The following B3GAT2 variants were observed in gnomAD, a reference collection of about 807,000 sequenced individuals.
The protein encoded by B3GAT2 is galactosylgalactosylxylosylprotein 3-beta-glucuronosyltransferase 2.
In B3GAT2, 26 loss-of-function variants were observed where a neutral mutation model predicts 27.8. The observed-to-expected ratio is 0.93, with a 90% CI of 0.68 to 1.30. The LOEUF is 1.30. Ranked by LOEUF, B3GAT2 falls within the 50% of genes most tolerant of loss-of-function variation. The pLI, the probability that B3GAT2 is intolerant of heterozygous loss-of-function variation, is 0.00. For missense variants in B3GAT2, 458 were observed against 459.0 expected (o/e 1.00, Z 0.02); for synonymous variants, 218 against 195.1 (o/e 1.12, Z -0.98).
chr6:70,944,615 C>A (rs148788703), intron 1 of B3GAT2, among the ~76,000 whole-genome samples: 4 of 113,976 alleles, frequency 3.5e-5, no homozygotes, highest in Non-Finnish European at 7.5e-5. Context: ...GGCCTGCCTG[C>A]CTCTGTAGGC....
Position 70,860,606 on chromosome 6 carries a change from T to G in B3GAT2, c.*1057A>C. The G allele has an allele frequency of 2.3e-6, 1 of 432,310 alleles. No individual in the cohort carries two copies. Among genetic ancestry groups the G allele is most frequent in the Admixed American group, 4.0e-5 (1 of 25,016 alleles). 26.8% of individuals were successfully genotyped at this position (432,310 alleles called of 1,614,324 possible). Reference sequence around the variant, plus strand: ...TTGAGAAGCTGCTCAACTTGCAAAATCAGTTTTCCTCTCAATAAAATTATA... The same window carrying G: ...TTGAGAAGCTGCTCAACTTGCAAAAGCAGTTTTCCTCTCAATAAAATTATA... On this transcript the variant is annotated 3_prime_UTR_variant, in exon 4 of 4. Transcript: ENST00000230053.
rs371527631 is a variant in B3GAT2 at position 70,894,192 on chromosome 6, G to C, written c.672C>G (p.Asn224Lys). The C allele has an allele frequency of 2.5e-6, 4 of 1,613,574 alleles. No individual in the cohort carries two copies. Among genetic ancestry groups the C allele is most frequent in the Non-Finnish European group, 3.4e-6 (4 of 1,179,752 alleles). ...CGGTGTACCAGCCAACAACTTTGCC[G>C]TTTTCCACCAGCGGACGTTCGTAGC... ...GRRYERPLVE[N>K]GKVVGWYTGW... is the part of the protein sequence containing the mutation. Residue 224 changes from asparagine to lysine, a missense_variant, in exon 2 of 4, where the codon AAC becomes AAG. By Grantham distance (94) the Asn-to-Lys change is moderately conservative. Transcript: ENST00000230053.
intron 2 of B3GAT2, among the ~76,000 whole-genome samples, chr6:70,879,199 T>A (rs1562216468): frequency 6.6e-6 from 1 of 152,096 alleles, no homozygotes; most frequent in African/African-American, 2.4e-5. Flanking sequence ...TTTGTTGTTG[T>A]TGTTGTTTGT....
At chr6:70,872,220 C>G (rs1771948837) in intron 2 of B3GAT2, among the ~76,000 whole-genome samples, 1 of 151,832 alleles carries the variant, frequency 6.6e-6, no homozygotes, top group Admixed American at 6.6e-5. Flanking sequence ...AATTGATTTA[C>G]AGTGTTTTTC....
Position 70,859,973 on chromosome 6 carries a change from TTAAG to T in B3GAT2, c.*1686_*1689del, listed in dbSNP as rs891516640. 5.0e-6 allele frequency: 2 copies of T among 403,134 alleles called. No individual in the cohort carries two copies. The highest frequency in any genetic ancestry group is 8.6e-5 in the East Asian group (2 of 23,366). 25.0% of individuals were successfully genotyped at this position (403,134 alleles called of 1,614,324 possible). A position where few individuals can be genotyped will look rare whatever the true frequency, so the allele number is the denominator to read the frequency against. ...CCCAAGATTGCTTTGGTATTTTTTT[TTAAG>T]TAAGTTGTGGTTAATCTTTGGGGAA... On this transcript the variant is annotated 3_prime_UTR_variant, in exon 4 of 4. Coordinates refer to ENST00000230053, the MANE Select transcript of B3GAT2 (RefSeq NM_080742.3).
chr6:70,950,581 C>T (rs1765564479), intron 1 of B3GAT2, among the ~76,000 whole-genome samples: 1 of 152,180 alleles, frequency 6.6e-6, no homozygotes, highest in Admixed American at 6.6e-5. Flanking sequence ...CACATAACAG[C>T]TACATGACAT....
intron 1 of B3GAT2, among the ~76,000 whole-genome samples, chr6:70,946,298 G>A (rs887954015): frequency 6.6e-6 from 1 of 152,062 alleles, no homozygotes; most frequent in Non-Finnish European, 1.5e-5. Context: ...TGGGGATAAA[G>A]AGTCAAGACC....
chr6:70,899,850 GT>G lies in B3GAT2; in HGVS notation c.592-5579del, dbSNP rs1772466338. ...TTATTTTCTGAGGGGTAGGGGGAAT[GT>G]AACAACAACAGTGACTACTAAAAGT... On this transcript the variant is annotated intron_variant, in intron 1 of 3. Coordinates refer to ENST00000230053, the MANE Select transcript of B3GAT2 (RefSeq NM_080742.3). 2.0e-5 allele frequency among the ~76,000 whole-genome samples: 3 copies of G among 152,188 alleles called. No individual in the cohort carries two copies. In the South Asian group the frequency reaches 6.2e-4, roughly 32 times the overall value.
chr6:70,950,184 C>T (rs1240296709), intron 1 of B3GAT2, among the ~76,000 whole-genome samples: 1 of 150,996 alleles, frequency 6.6e-6, no homozygotes, highest in Non-Finnish European at 1.5e-5. Context: ...TGCACATGTA[C>T]CCTAAAACTT....
At position 70,860,422 on chromosome 6, in the gene B3GAT2, T is replaced by G; in HGVS notation, c.*1241A>C. On this transcript the variant is annotated 3_prime_UTR_variant, in exon 4 of 4. Transcript: ENST00000230053. The stretch of plus-strand genomic sequence containing the variant: ...TTCCCCTGTTTATTCATATGCATAT[T>G]TTTTTTCTTTTTACCCATTTGTTCA... The G allele has an allele frequency of 6.8e-7, 1 of 1,465,474 alleles. No individual in the cohort carries two copies. Among genetic ancestry groups the G allele is most frequent in the Non-Finnish European group, 9.2e-7 (1 of 1,092,810 alleles). The allele number at this position is 1,465,474 out of a possible 1,614,324, so 90.8% of individuals were successfully genotyped here. A position where few individuals can be genotyped will look rare whatever the true frequency, so the allele number is the denominator to read the frequency against.
chr6:70,956,498 G>A lies in B3GAT2; in HGVS notation c.-69C>T. ...GCCGAGGGACCCCAGTGCGCAGCTT[G>A]GACAGCGGCGGCGCCAGCACTTAGG... On this transcript the variant is annotated 5_prime_UTR_variant, in exon 1 of 4. Coordinates refer to ENST00000230053, the MANE Select transcript of B3GAT2 (RefSeq NM_080742.3). 1.3e-6 allele frequency: 2 copies of A among 1,544,036 alleles called. No homozygotes were observed. The highest frequency in any genetic ancestry group is 2.4e-5 in the South Asian group (2 of 83,090).
At chr6:70,909,328 A>C (rs1772650668) in intron 1 of B3GAT2, among the ~76,000 whole-genome samples, 1 of 152,260 alleles carries the variant, frequency 6.6e-6, no homozygotes, top group Non-Finnish European at 1.5e-5. Context: ...ACACATTTTA[A>C]TAACATAGAT....
intron 1 of B3GAT2, among the ~76,000 whole-genome samples, chr6:70,924,226 C>T (rs1467729543): frequency 6.6e-6 from 1 of 152,020 alleles, no homozygotes; most frequent in Admixed American, 6.6e-5. Flanking sequence ...ACCATATACA[C>T]TAAAAACTAT....
chr6:70,892,863 C>T (rs1308640500), intron 2 of B3GAT2, among the ~76,000 whole-genome samples: 3 of 152,258 alleles, frequency 2.0e-5, no homozygotes, highest in South Asian at 2.1e-4. Flanking sequence ...TCCTCAGGAC[C>T]GTCCAAGATG....
At position 70,866,767 on chromosome 6, in the gene B3GAT2, T is replaced by C. The variant is rs560106186; in HGVS notation, c.737-4789A>G. On this transcript the variant is annotated intron_variant, in intron 2 of 3. Coordinates refer to ENST00000230053, the MANE Select transcript of B3GAT2 (RefSeq NM_080742.3). ...AATGACGACTGAAAAATTTACAAACTTGAAAACTCAGGAAAGATATGTAAG... is the reference window on the plus strand; with the variant it reads ...AATGACGACTGAAAAATTTACAAACCTGAAAACTCAGGAAAGATATGTAAG... 2.0e-5 allele frequency among the ~76,000 whole-genome samples: 3 copies of C among 152,226 alleles called. No homozygotes were observed. The South Asian group carries it at 6.2e-4, about 32-fold the overall frequency.
chr6:70,940,245 A>C (rs1765368372), intron 1 of B3GAT2, among the ~76,000 whole-genome samples: 1 of 152,150 alleles, frequency 6.6e-6, no homozygotes, highest in African/African-American at 2.4e-5. Context: ...TGTTTTTATT[A>C]ATGAAAACTT....
chr6:70,943,726 A>C (rs1156909734), intron 1 of B3GAT2, among the ~76,000 whole-genome samples: 1 of 152,150 alleles, frequency 6.6e-6, no homozygotes, highest in African/African-American at 2.4e-5. Context: ...ATAAATATCA[A>C]ATGGTCTATA....
chr6:70,885,304 A>G (rs1227318255), intron 2 of B3GAT2, among the ~76,000 whole-genome samples: 1 of 152,166 alleles, frequency 6.6e-6, no homozygotes, highest in Non-Finnish European at 1.5e-5. Context: ...CGGCACTCAC[A>G]TGGCACCAAA....
In B3GAT2 at chr6:70,860,208, G is replaced by A. The variant is rs750224346; in HGVS notation, c.*1455C>T. The stretch of plus-strand genomic sequence containing the variant: ...TTTTATATGTTTCACAGATGAATCA[G>A]CAGATGGCTGGCATGAGTATCAGTA... On this transcript the variant is annotated 3_prime_UTR_variant, in exon 4 of 4. Transcript: ENST00000230053. 25 of 1,608,030 alleles carry A rather than the reference G, an allele frequency of 1.6e-5. No individual in the cohort carries two copies. Among genetic ancestry groups the A allele is most frequent in the Non-Finnish European group, 1.7e-5 (20 of 1,178,010 alleles).
Sources: gnomAD v4.1 joint callset for allele counts (sites outside exome capture counted in the v4.1 genomes callset) on GRCh38, gnomAD v4.1.1 for gene constraint, MANE v1.5 for transcripts, NCBI Gene and HGNC (gene_info 2026-07-23, HGNC 2026-07-21) for gene names.